Variants in NCAPD3 observed in about 807,000 individuals in gnomAD.
The protein encoded by NCAPD3 is non-SMC condensin II complex subunit D3.
NCAPD3 carries 105 observed loss-of-function variants against 182.9 expected under a neutral mutation model. The observed-to-expected ratio is 0.57, with a 90% CI of 0.49 to 0.68. The LOEUF is 0.68. Among genes scored for constraint, NCAPD3 ranks in the 30% least tolerant of loss-of-function variants. The pLI is 0.00. For synonymous variants in NCAPD3, 815 were observed against 679.9 expected (o/e 1.20, Z -3.09); for missense variants, 1,944 against 1,837.0 (o/e 1.06, Z -1.07).
intron 24 of NCAPD3, chr11:134,173,232 G>T (rs920114437): frequency 1.3e-5 from 2 of 153,370 alleles, no homozygotes; most frequent in African/African-American, 2.4e-5. Flanking sequence ...TTCAGTAGGG[G>T]GCTGCTGAGG....
At chr11:134,191,124 T>A (rs962760097) in intron 16 of NCAPD3, among the ~76,000 whole-genome samples, 1 of 152,238 alleles carries the variant, frequency 6.6e-6, no homozygotes, top group African/African-American at 2.4e-5. Context: ...TTTTTCTTAC[T>A]CATTTTATAA....
At chr11:134,186,615 G>A (rs970311083) in intron 16 of NCAPD3, among the ~76,000 whole-genome samples, 3 of 152,142 alleles carry the variant, frequency 2.0e-5, no homozygotes, top group African/African-American at 7.2e-5. Flanking sequence ...TTTAAATGAA[G>A]AGAAAAATAC....
Position 134,177,441 on chromosome 11 carries a change from C to A in NCAPD3, c.2799G>T (p.Gln933His). 1 of 1,613,604 alleles carries A rather than the reference C, an allele frequency of 6.2e-7. No homozygotes were observed. Among genetic ancestry groups the A allele is most frequent in the Non-Finnish European group, 8.5e-7 (1 of 1,179,566 alleles). ...AIITLGKLCL[Q>H]HEDLAKKSIP... ...TGCTCTTCTTTGCCAGATCCTCGTGCTGTAAGCACAGCTTACCTGGCACAG... is the reference window on the plus strand; with the variant it reads ...TGCTCTTCTTTGCCAGATCCTCGTGATGTAAGCACAGCTTACCTGGCACAG... Residue 933 changes from glutamine to histidine, a missense_variant, in exon 23 of 35, where the codon CAG becomes CAT. Around this residue, in one of 3 missense-constraint regions of NCAPD3, gnomAD observed 1,803 missense variants for 1,674.6 expected, o/e 1.08. Coordinates refer to ENST00000534548, the MANE Select transcript of NCAPD3 (RefSeq NM_015261.3).
rs1040788125 is a variant in NCAPD3, at chr11:134,200,713, T to G, written c.1615+2103A>C. ...TAGAGTTACCATACGACCCAGCAGTTCTCCTCCTAGGTATACACTCAGAGG... is the reference window on the plus strand; with the variant it reads ...TAGAGTTACCATACGACCCAGCAGTGCTCCTCCTAGGTATACACTCAGAGG... On this transcript the variant is annotated intron_variant, in intron 13 of 34. Transcript: ENST00000534548. 2.6e-5 allele frequency among the ~76,000 whole-genome samples: 4 copies of G among 152,210 alleles called. No homozygotes were observed. In the East Asian group the frequency reaches 7.7e-4, roughly 29 times the overall value.
chr11:134,215,140 A>G (rs968293955), intron 3 of NCAPD3, among the ~76,000 whole-genome samples: 1 of 152,228 alleles, frequency 6.6e-6, no homozygotes, highest in African/African-American at 2.4e-5. Context: ...ACAAAATCCA[A>G]CAGCCTTTCA....
At chr11:134,158,540 G>A in intron 29 of NCAPD3, 45 bp from the exon 30 acceptor site, 1 of 1,577,392 alleles carries the variant, frequency 6.3e-7, no homozygotes, top group Non-Finnish European at 8.6e-7. Flanking sequence ...TACTTTTTAA[G>A]TTTTCAAAAA....
chr11:134,163,627 G>T (rs974676261), intron 27 of NCAPD3, among the ~76,000 whole-genome samples: 1 of 151,364 alleles, frequency 6.6e-6, no homozygotes, highest in Admixed American at 6.6e-5. Context: ...ATGAACCCAG[G>T]GGGGCAGAGC....
Position 134,184,728 on chromosome 11 carries a change from C to A in NCAPD3, c.2360G>T (p.Gly787Val). 6.2e-7 allele frequency: 1 copy of A among 1,613,188 alleles called. No homozygotes were observed. Among genetic ancestry groups the A allele is most frequent in the African/African-American group, 1.3e-5 (1 of 74,908 alleles). ...VTDAVKCKLN[G>V]FQWSLEVISS... is the part of the protein sequence containing the mutation. ...GATCACCTCTAGAGACCACTGAAAT[C>A]CATTCAGCTTACACTTGACAGCATC... is the stretch of plus-strand genomic sequence containing the variant. The change falls in exon 19 of 35, where the codon GGA (glycine) becomes GTA (valine). Residue 787 changes from glycine (G) to valine (V), a missense_variant. Around this residue, in one of 3 missense-constraint regions of NCAPD3, gnomAD observed 1,803 missense variants for 1,674.6 expected, o/e 1.08. Coordinates refer to ENST00000534548, the MANE Select transcript of NCAPD3 (RefSeq NM_015261.3).
At chr11:134,192,631 T>G (rs1944546889) in intron 16 of NCAPD3, 58 bp downstream of exon 16, 1 of 1,443,732 alleles carries the variant, frequency 6.9e-7, no homozygotes, top group East Asian at 2.3e-5. Context: ...AGAAATTTAT[T>G]AATACAAAGT....
chr11:134,167,703 AGT>A (rs1943890232), intron 27 of NCAPD3, among the ~76,000 whole-genome samples: 1 of 88,324 alleles, frequency 1.1e-5, no homozygotes, highest in Non-Finnish European at 2.2e-5. Flanking sequence ...CACACTCACT[AGT>A]GAGGTGAGCT....
chr11:134,224,409 G>T, upstream of NCAPD3: 1 of 177,070 alleles, frequency 5.6e-6, no homozygotes, highest in Non-Finnish European at 1.2e-5. Flanking sequence ...AAAGTAATAA[G>T]GGAAAAGTAG....
intron 27 of NCAPD3, 134 bp downstream of exon 27, chr11:134,167,862 C>G: frequency 2.5e-6 from 2 of 801,744 alleles, no homozygotes; most frequent in Non-Finnish European, 3.8e-6. Flanking sequence ...GCAGCACACT[C>G]GTGAGATGAG....
At chr11:134,224,474 A>T (rs1938375188), upstream of NCAPD3, 1 of 154,434 alleles carries the variant, frequency 6.5e-6, no homozygotes, top group African/African-American at 2.4e-5. Context: ...ACTGCGCGGC[A>T]CGCGTGGGCC....
chr11:134,225,018 G>A, upstream of NCAPD3: 1 of 1,121,678 alleles, frequency 8.9e-7, no homozygotes, highest in Non-Finnish European at 1.2e-6. Context: ...CGCGGCGGCC[G>A]AGCGCGCTCG....
At position 134,152,742 on chromosome 11, in the gene NCAPD3, T is replaced by G. The variant is rs933941886; in HGVS notation, c.*202A>C. On this transcript the variant is annotated 3_prime_UTR_variant, in exon 35 of 35. Coordinates refer to ENST00000534548, the MANE Select transcript of NCAPD3 (RefSeq NM_015261.3). ...GGTAAGAAAATCTAAATCTGGCACA[T>G]CTCTATTATTTGACAGTGTTTAACC... 1 of 470,048 alleles carries G rather than the reference T, an allele frequency of 2.1e-6. No individual in the cohort carries two copies. Among genetic ancestry groups the G allele is most frequent in the Non-Finnish European group, 3.7e-6 (1 of 268,678 alleles). 29.1% of individuals were successfully genotyped at this position (470,048 alleles called of 1,614,324 possible).
chr11:134,205,258 G>A (rs1000407532), intron 8 of NCAPD3, among the ~76,000 whole-genome samples: 1 of 152,124 alleles, frequency 6.6e-6, no homozygotes, highest in Non-Finnish European at 1.5e-5. Flanking sequence ...TTCATATGAA[G>A]ATGTAAAATA....
At position 134,178,944 on chromosome 11, in the gene NCAPD3, G is replaced by A; in HGVS notation, c.2560-8C>T. 6.3e-7 allele frequency: 1 copy of A among 1,597,372 alleles called. No individual in the cohort carries two copies. The highest frequency in any genetic ancestry group is 8.6e-7 in the Non-Finnish European group (1 of 1,165,220). On this transcript the variant is annotated splice_polypyrimidine_tract_variant and splice_region_variant and intron_variant, in intron 20 of 34. Transcript: ENST00000534548. ...GGTAAAAATGTACTTCACCTACAAA[G>A]ATAATTGGTTTTACAGTAAAAATAA... is the stretch of plus-strand genomic sequence containing the variant.
chr11:134,201,865 T>C (rs1944756338), intron 13 of NCAPD3, among the ~76,000 whole-genome samples: 1 of 152,184 alleles, frequency 6.6e-6, no homozygotes, highest in Non-Finnish European at 1.5e-5. Flanking sequence ...TGAATTGGAG[T>C]AATACATGCT....
rs748166025 is a variant in NCAPD3, at chr11:134,157,011, TACTC to T, written c.4252+3_4252+6del. The T allele has an allele frequency of 1.4e-5, 22 of 1,607,438 alleles. No homozygotes were observed. Among genetic ancestry groups the T allele is most frequent in the East Asian group, 2.2e-5 (1 of 44,824 alleles). On this transcript the variant is annotated splice_donor_5th_base_variant and intron_variant, in intron 32 of 34. Coordinates refer to ENST00000534548, the MANE Select transcript of NCAPD3 (RefSeq NM_015261.3). Reference sequence around the variant, plus strand: ...GAGAAGCCCACGTGTTCCGATCAGTTACTCACTCTCGGGGGTGCTGATGGCCCGC... The same window carrying T: ...GAGAAGCCCACGTGTTCCGATCAGTTACTCTCGGGGGTGCTGATGGCCCGC...
Sources: gnomAD v4.1 joint callset for allele counts (sites outside exome capture counted in the v4.1 genomes callset) on GRCh38, gnomAD v4.1.1 for gene constraint, gnomAD v4.1.1 regional missense constraint, MANE v1.5 for transcripts, NCBI Gene and HGNC (gene_info 2026-07-23, HGNC 2026-07-21) for gene names.